Variants in PDE11A observed in about 807,000 individuals in gnomAD.
PDE11A encodes dual 3',5'-cyclic-AMP and -GMP phosphodiesterase 11A.
A neutral mutation model predicts 100.5 loss-of-function variants in PDE11A; 100 were observed. That is an observed-to-expected ratio of 1.00 (90% confidence interval 0.85 to 1.18). The LOEUF is 1.18. Among genes scored for constraint, PDE11A ranks in the 50% most tolerant of loss-of-function variants. The pLI is 0.00. For synonymous variants in PDE11A, 381 were observed against 420.8 expected, an observed-to-expected ratio of 0.91 and a Z score of 1.16; for missense variants, 1,141 against 1,152.6, an observed-to-expected ratio of 0.99 and a Z score of 0.15.
At chr2:178,084,522 T>C (rs2087324422) in intron 2 of PDE11A, among the ~76,000 whole-genome samples, 1 of 152,186 alleles carries the variant, frequency 6.6e-6, no homozygotes, top group Admixed American at 6.5e-5. Flanking sequence ...GAAATGCTGA[T>C]GGTTTCGCAA....
intron 9 of PDE11A, among the ~76,000 whole-genome samples, chr2:177,814,070 G>A (rs1411461331): frequency 6.6e-6 from 1 of 152,006 alleles, no homozygotes; most frequent in Non-Finnish European, 1.5e-5. Context: ...AATGATAGAA[G>A]GGTAACATGG....
intron 1 of PDE11A, among the ~76,000 whole-genome samples, chr2:178,045,655 C>CAGTAGT (rs926060715): frequency 6.6e-6 from 1 of 152,068 alleles, no homozygotes; most frequent in African/African-American, 2.4e-5. Flanking sequence ...TCACTACTGT[C>CAGTAGT]AGTAGTAGTA....
At position 177,887,107 on chromosome 2, in the gene PDE11A, G is replaced by A. The variant is rs573985350; in HGVS notation, c.1302+10951C>T. On this transcript the variant is annotated intron_variant, in intron 4 of 19. Transcript: ENST00000286063. ...AATCTGAGCCACCAGAATAAGTCTT[G>A]GTTTTTGATTAGGGGTCAGGAAGCT... Among the ~76,000 whole-genome samples, 3 of 152,136 alleles carry A rather than the reference G, an allele frequency of 2.0e-5. No individual in the cohort carries two copies. In the East Asian group the frequency reaches 5.8e-4, roughly 29 times the overall value.
At chr2:177,777,038 T>G (rs940677205) in intron 9 of PDE11A, among the ~76,000 whole-genome samples, 3 of 152,138 alleles carry the variant, frequency 2.0e-5, no homozygotes, top group Non-Finnish European at 4.4e-5. Context: ...GTGAAGGACA[T>G]GTTTGCTTCC....
At chr2:177,631,824 C>T (rs2079955053) in intron 19 of PDE11A, among the ~76,000 whole-genome samples, 1 of 151,638 alleles carries the variant, frequency 6.6e-6, no homozygotes, top group Admixed American at 6.6e-5. Flanking sequence ...TGAGGGGGAG[C>T]TTCTGTTAAC....
intron 10 of PDE11A, among the ~76,000 whole-genome samples, chr2:177,755,674 G>A (rs140484464): frequency 2.6e-5 from 4 of 152,278 alleles, no homozygotes; most frequent in African/African-American, 7.2e-5. Flanking sequence ...TGGGCCAAGC[G>A]GACCAATCAG....
At chr2:177,914,762 G>T (rs2084928559) in intron 2 of PDE11A, among the ~76,000 whole-genome samples, 1 of 152,096 alleles carries the variant, frequency 6.6e-6, no homozygotes, top group South Asian at 2.1e-4. Context: ...ACTATTTTCT[G>T]ATGAGAAATG....
At chr2:177,972,052 C>CTT (rs2085777656) in intron 2 of PDE11A, among the ~76,000 whole-genome samples, 1 of 152,222 alleles carries the variant, frequency 6.6e-6, no homozygotes, top group East Asian at 1.9e-4. Context: ...GTGATACCAG[C>CTT]AGTAGGATAC....
intron 5 of PDE11A, among the ~76,000 whole-genome samples, chr2:177,849,801 A>AAAAAAAC (rs1558971303): frequency 2.8e-5 from 4 of 143,492 alleles, no homozygotes; most frequent in African/African-American, 7.7e-5. Flanking sequence ...AAAAAAAAAC[A>AAAAAAAC]AAAAAACCTA....
chr2:177,977,802 C>G (rs1398056682), intron 2 of PDE11A, among the ~76,000 whole-genome samples: 1 of 143,046 alleles, frequency 7.0e-6, no homozygotes. Context: ...TTTGACAAAC[C>G]TGAGAAAAAC....
upstream of PDE11A, chr2:178,072,783 A>C: frequency 8.0e-7 from 1 of 1,245,880 alleles, no homozygotes. Flanking sequence ...TAACCGGATG[A>C]GTGGACCGCT....
At chr2:177,820,420 C>A in intron 6 of PDE11A, 125 bp from the exon 7 acceptor site, 1 of 659,344 alleles carries the variant, frequency 1.5e-6, no homozygotes, top group South Asian at 1.8e-5. Flanking sequence ...TACACTGTAA[C>A]CTAATTTTGT....
chr2:177,736,237 C>A (rs185827273), intron 10 of PDE11A, among the ~76,000 whole-genome samples: 10 of 152,042 alleles, frequency 6.6e-5, no homozygotes, highest in African/African-American at 2.2e-4. Flanking sequence ...AAGGGCCAGG[C>A]GTAGTGGCTC....
intron 1 of PDE11A, among the ~76,000 whole-genome samples, chr2:178,046,609 G>A (rs1389619873): frequency 1.3e-5 from 2 of 152,112 alleles, no homozygotes; most frequent in African/African-American, 4.8e-5. Context: ...ATAGATAGAA[G>A]GTCAAGGAAG....
rs566035685 is a variant in PDE11A at position 178,036,186 on chromosome 2, C to A, written c.913-21726G>T. Among the ~76,000 whole-genome samples the A allele has an allele frequency of 3.2e-4, 48 of 152,312 alleles. No individual in the cohort carries two copies. In the South Asian group the frequency reaches 8.1e-3, roughly 26 times the overall value. On this transcript the variant is annotated intron_variant, in intron 1 of 19. Coordinates refer to ENST00000286063, the MANE Select transcript of PDE11A (RefSeq NM_016953.4). ...GCAACTTCAGCAAAGTCTCAGGATACAAAATCAGTGTTCAAAAATCACAAG... is the reference window on the plus strand; with the variant it reads ...GCAACTTCAGCAAAGTCTCAGGATAAAAAATCAGTGTTCAAAAATCACAAG...
At chr2:177,667,369 T>G (rs1440715013) in intron 18 of PDE11A, among the ~76,000 whole-genome samples, 1 of 152,164 alleles carries the variant, frequency 6.6e-6, no homozygotes, top group African/African-American at 2.4e-5. Flanking sequence ...TTCTAAGAAT[T>G]TTATAGTTTT....
intron 2 of PDE11A, among the ~76,000 whole-genome samples, chr2:177,906,007 T>A (rs1408108387): frequency 4.6e-5 from 7 of 152,182 alleles, no homozygotes; most frequent in Non-Finnish European, 1.0e-4. Flanking sequence ...GAATCTCTGA[T>A]TCCAGAGAGA....
At chr2:177,663,493 G>A (rs1008102306) in intron 19 of PDE11A, among the ~76,000 whole-genome samples, 7 of 58,894 alleles carry the variant, frequency 1.2e-4, no homozygotes, top group Non-Finnish European at 3.1e-4. Context: ...AGCTGATCAA[G>A]TTTAAACGTT....
chr2:177,716,073 A>C (rs2081432825), intron 12 of PDE11A, among the ~76,000 whole-genome samples: 1 of 152,266 alleles, frequency 6.6e-6, no homozygotes, highest in Admixed American at 6.5e-5. Flanking sequence ...CTGAGAAAAG[A>C]GAACTGTAGC....
Sources: allele counts gnomAD v4.1 joint callset (sites outside exome capture counted in the v4.1 genomes callset), GRCh38; gene constraint gnomAD v4.1.1; transcripts MANE v1.5; gene names NCBI Gene and HGNC (gene_info 2026-07-23, HGNC 2026-07-21).